RAB38: variants seen among roughly 807,000 people sequenced by gnomAD.
The protein encoded by RAB38 is ras-related protein Rab-38.
Under a neutral mutation model 18.4 loss-of-function variants are expected in RAB38, and 15 were observed. That is an observed-to-expected ratio of 0.82 (90% CI 0.55 to 1.26). The LOEUF (loss-of-function observed/expected upper bound fraction) is 1.26, where lower values mean the gene tolerates loss of function less well. Ranked by LOEUF, RAB38 falls within the 50% of genes most tolerant of loss-of-function variation. RAB38 has a pLI of 0.00. For synonymous variants in RAB38, 101 were observed against 104.4 expected (o/e 0.97, Z 0.20); for missense variants, 294 against 267.4 (o/e 1.10, Z -0.69).
the RAB38 span, among the ~76,000 whole-genome samples, chr11:88,041,955 C>T: frequency 6.6e-6 from 1 of 152,046 alleles, no homozygotes; most frequent in African/African-American, 2.4e-5. Flanking sequence ...GGGTTTTATT[C>T]CTGCCTTATT....
At chr11:87,902,163 T>A in the RAB38 span, among the ~76,000 whole-genome samples, 1 of 151,512 alleles carries the variant, frequency 6.6e-6, no homozygotes, top group African/African-American at 2.4e-5. Context: ...GGCTAGTAAG[T>A]GGTGGAGTGA....
At chr11:88,057,312 C>T in the RAB38 span, among the ~76,000 whole-genome samples, 1 of 152,152 alleles carries the variant, frequency 6.6e-6, no homozygotes, top group Non-Finnish European at 1.5e-5. Context: ...CATTTGAAGG[C>T]CTCATTAGAC....
At chr11:87,899,851 C>T in the RAB38 span, among the ~76,000 whole-genome samples, 8 of 151,700 alleles carry the variant, frequency 5.3e-5, no homozygotes, top group African/African-American at 1.9e-4. Flanking sequence ...CTTATAGAAA[C>T]AGTGATTATT....
chr11:87,859,805 C>G, the RAB38 span, among the ~76,000 whole-genome samples: 1 of 152,016 alleles, frequency 6.6e-6, no homozygotes, highest in Non-Finnish European at 1.5e-5. Context: ...TATTTTGGCT[C>G]CATTCCCAGA....
At chr11:87,923,177 G>A in the RAB38 span, among the ~76,000 whole-genome samples, 57 of 151,986 alleles carry the variant, frequency 3.8e-4, no homozygotes, top group African/African-American at 1.1e-3. Flanking sequence ...GTGGTCCTGC[G>A]TTGGGGTGGT....
the RAB38 span, among the ~76,000 whole-genome samples, chr11:88,058,456 C>G: frequency 1.2e-4 from 19 of 152,240 alleles, no homozygotes; most frequent in African/African-American, 4.3e-4. Context: ...CTTCCTACAA[C>G]AAACATGTGG....
At chr11:88,138,245 T>A (rs1942860016) in intron 2 of RAB38, among the ~76,000 whole-genome samples, 1 of 152,158 alleles carries the variant, frequency 6.6e-6, no homozygotes, top group Admixed American at 6.5e-5. Context: ...ATAAACACTA[T>A]AATGGAAATT....
the RAB38 span, among the ~76,000 whole-genome samples, chr11:88,034,859 A>ACATGAGAGT: frequency 2.0e-5 from 3 of 152,336 alleles, no homozygotes; most frequent in East Asian, 5.8e-4. Flanking sequence ...GTTAGTATAC[A>ACATGAGAGT]CATGAGAGTA....
At chr11:87,813,443 A>G in the RAB38 span, among the ~76,000 whole-genome samples, 1 of 152,146 alleles carries the variant, frequency 6.6e-6, no homozygotes. Flanking sequence ...AAAAAGCCCT[A>G]GTTCATCTTC....
chr11:87,840,750 A>G, the RAB38 span, among the ~76,000 whole-genome samples: 3 of 152,320 alleles, frequency 2.0e-5, no homozygotes, highest in South Asian at 2.1e-4. Flanking sequence ...TCTAATTTGT[A>G]AGACATATAG....
chr11:88,173,027 G>A (rs1366519663), intron 1 of RAB38, among the ~76,000 whole-genome samples: 4 of 152,202 alleles, frequency 2.6e-5, no homozygotes, highest in Non-Finnish European at 4.4e-5. Flanking sequence ...ACAGACTTCT[G>A]TGACTACAGC....
At chr11:87,966,921 A>G in the RAB38 span, among the ~76,000 whole-genome samples, 1 of 152,210 alleles carries the variant, frequency 6.6e-6, no homozygotes, top group Non-Finnish European at 1.5e-5. Flanking sequence ...TTCGCATTGA[A>G]CAAATAAAGC....
the RAB38 span, among the ~76,000 whole-genome samples, chr11:88,033,401 AAG>A: frequency 1.4e-4 from 21 of 152,256 alleles, no homozygotes; most frequent in African/African-American, 4.3e-4. Context: ...AGAAAAAAAA[AAG>A]AAAGTATTTG....
the RAB38 span, among the ~76,000 whole-genome samples, chr11:88,009,143 T>G: frequency 0.091 from 13,810 of 152,108 alleles, 881 homozygotes; most frequent in South Asian, 0.18. Flanking sequence ...GAAACTGAAA[T>G]TAGGTAATTT....
the RAB38 span, among the ~76,000 whole-genome samples, chr11:87,922,615 A>G: frequency 6.6e-6 from 1 of 152,002 alleles, no homozygotes; most frequent in Non-Finnish European, 1.5e-5. Context: ...CCCTCTTAAA[A>G]TAAAGGAGCC....
chr11:88,137,566 A>G (rs1287074507), intron 2 of RAB38, among the ~76,000 whole-genome samples: 1 of 152,200 alleles, frequency 6.6e-6, no homozygotes, highest in African/African-American at 2.4e-5. Flanking sequence ...TGAAAAAATC[A>G]TAAGCTCATA....
At chr11:88,060,612 T>C in the RAB38 span, among the ~76,000 whole-genome samples, 4 of 152,286 alleles carry the variant, frequency 2.6e-5, no homozygotes, top group East Asian at 7.7e-4. Context: ...ACTCCAAAGC[T>C]ACATTTTCAA....
the RAB38 span, among the ~76,000 whole-genome samples, chr11:87,956,083 A>AAAAT: frequency 8.2e-4 from 118 of 144,666 alleles, no homozygotes; most frequent in Non-Finnish European, 1.4e-3. Flanking sequence ...CTGAGCTAAT[A>AAAAT]AAATAATTTT....
At chr11:87,858,491 TG>T in the RAB38 span, among the ~76,000 whole-genome samples, 2 of 152,112 alleles carry the variant, frequency 1.3e-5, no homozygotes, top group Non-Finnish European at 1.5e-5. Context: ...ATTTCATTCA[TG>T]GGATCACATT....
Sources: allele counts gnomAD v4.1 joint callset (sites outside exome capture counted in the v4.1 genomes callset), GRCh38; gene constraint gnomAD v4.1.1; transcripts MANE v1.5; gene names NCBI Gene and HGNC (gene_info 2026-07-23, HGNC 2026-07-21).